MACF1: variants seen among roughly 807,000 people sequenced by gnomAD.
MACF1 encodes the protein microtubule-actin cross-linking factor 1.
Under a neutral mutation model 854.8 loss-of-function variants are expected in MACF1, and 193 were observed. The ratio of observed to expected loss-of-function variants is 0.23; its 90% confidence interval spans 0.20 to 0.25. MACF1 has a LOEUF of 0.25. Among genes scored for constraint, MACF1 ranks in the 10% least tolerant of loss-of-function variants. The pLI, the probability that MACF1 is intolerant of heterozygous loss-of-function variation, is 1.00. For missense variants in MACF1, 7,722 were observed against 8,929.1 expected, an observed-to-expected ratio of 0.86 and a Z score of 5.45; for synonymous variants, 3,185 against 3,226.7, an observed-to-expected ratio of 0.99 and a Z score of 0.44.
chr1:39,451,960 G>A (rs907014300), intron 85 of MACF1, among the ~76,000 whole-genome samples, 196 bp from the exon 86 acceptor site: 8 of 151,754 alleles, frequency 5.3e-5, no homozygotes, highest in Non-Finnish European at 8.8e-5. Context: ...CTCTCATCTC[G>A]GCTTCCCAAA....
At chr1:39,360,310 A>T (rs1224688294) in intron 47 of MACF1, among the ~76,000 whole-genome samples, 1 of 151,534 alleles carries the variant, frequency 6.6e-6, no homozygotes, top group Non-Finnish European at 1.5e-5. Flanking sequence ...TTAAGATTTG[A>T]TTTTTATCAT....
At chr1:39,228,587 T>C (rs1478129819) in intron 1 of MACF1, among the ~76,000 whole-genome samples, 1 of 152,224 alleles carries the variant, frequency 6.6e-6, no homozygotes, top group Non-Finnish European at 1.5e-5. Flanking sequence ...CTAATGAGAA[T>C]CCTGGCTTTA....
chr1:39,113,502 A>G lies in MACF1; in HGVS notation c.220+29064A>G, dbSNP rs534256395. Reference sequence around the variant, plus strand: ...AGGGAATCCAACAGTACATCTGGCAATGCTCTTGTCTAAAAGAAAGATGCT... The same window carrying G: ...AGGGAATCCAACAGTACATCTGGCAGTGCTCTTGTCTAAAAGAAAGATGCT... On this transcript the variant is annotated intron_variant, in intron 2 of 93. Coordinates refer to the MACF1 transcript ENST00000361689. 3.9e-5 allele frequency among the ~76,000 whole-genome samples: 6 copies of G among 152,332 alleles called. 1 individual carries two copies. The South Asian group carries it at 1.2e-3, about 32-fold the overall frequency.
chr1:39,303,725 G>T (rs939081874), intron 23 of MACF1, among the ~76,000 whole-genome samples: 1 of 151,328 alleles, frequency 6.6e-6, no homozygotes, highest in African/African-American at 2.4e-5. Flanking sequence ...TTTGCCGGGC[G>T]TGATGGCAGG....
chr1:39,442,974 CAGAGA>C, intron 78 of MACF1, 63 bp downstream of exon 78: 1 of 1,486,342 alleles, frequency 6.7e-7, no homozygotes, highest in African/African-American at 1.4e-5. Context: ...CTATCTAAGT[CAGAGA>C]GAAGAGATCA....
In MACF1 at chr1:39,437,896, G is replaced by A. The variant is rs755476804; in HGVS notation, c.18108G>A (p.Lys6036=). Residue 6036 remains lysine, a synonymous_variant, in exon 71 of 101, where the codon AAG becomes AAA. Coordinates refer to ENST00000564288, the MANE Select transcript of MACF1 (RefSeq NM_001394062.1). ...DKIRECISDN[K]SATVELEKLQ... is the part of the protein sequence containing the mutation. ...TCAGAGAGTGCATCAGTGACAATAA[G>A]AGTGCCACCGTGGAGCTAGAAAAAC... is the stretch of plus-strand genomic sequence containing the variant. 67 of 1,614,036 alleles carry A rather than the reference G, an allele frequency of 4.2e-5. No individual in the cohort carries two copies. The highest frequency in any genetic ancestry group is 4.8e-5 in the Non-Finnish European group (57 of 1,180,018).
intron 1 of MACF1, among the ~76,000 whole-genome samples, chr1:39,212,212 G>A (rs1644524789): frequency 6.6e-6 from 1 of 152,052 alleles, no homozygotes; most frequent in Non-Finnish European, 1.5e-5. Flanking sequence ...GACAAAAGTT[G>A]GGAAAAAAAG....
At chr1:39,352,017 C>T (rs1210023571) in intron 43 of MACF1, among the ~76,000 whole-genome samples, 2 of 152,146 alleles carry the variant, frequency 1.3e-5, no homozygotes, top group East Asian at 1.9e-4. Context: ...TCGTGGCACT[C>T]GGATAAACCA....
chr1:39,268,825 C>A, intron 6 of MACF1: 1 of 1,289,752 alleles, frequency 7.8e-7, no homozygotes, highest in Non-Finnish European at 1.0e-6. Context: ...ATCCCTACTC[C>A]AGAGGCATCT....
chr1:39,131,329 T>A (rs959809628), intron 2 of MACF1, among the ~76,000 whole-genome samples: 4 of 150,070 alleles, frequency 2.7e-5, no homozygotes, highest in Non-Finnish European at 5.9e-5. Flanking sequence ...CATGCCCAGC[T>A]CAGTTTTATT....
Position 39,300,359 on chromosome 1 carries a change from C to T in MACF1, c.2631C>T (p.Ile877=), listed in dbSNP as rs770860508. ...SVKAVCDYRQ[I]EITICKNDEC... ...AGGCTGTCTGTGACTACAGGCAGAT[C>T]GAGGTGAGGAGGTAGAAAGGGTACC... is the stretch of plus-strand genomic sequence containing the variant. The change falls in exon 22 of 101, where the codon ATC becomes ATT. Residue 877 remains isoleucine (I), a synonymous_variant. Coordinates refer to ENST00000564288, the MANE Select transcript of MACF1 (RefSeq NM_001394062.1). 2.2e-5 allele frequency: 36 copies of T among 1,612,460 alleles called. 1 individual carries two copies. In the East Asian group the frequency reaches 6.5e-4, roughly 29 times the overall value.
intron 2 of MACF1, among the ~76,000 whole-genome samples, chr1:39,245,806 A>G (rs1369542375): frequency 2.0e-5 from 3 of 152,020 alleles, no homozygotes; most frequent in African/African-American, 4.8e-5. Flanking sequence ...CTATGTTCAG[A>G]TCTTATCTAT....
chr1:39,314,569 T>TCTCTCA (rs1379643806), intron 26 of MACF1, among the ~76,000 whole-genome samples: 20 of 65,356 alleles, frequency 3.1e-4, no homozygotes, highest in African/African-American at 7.5e-4. Flanking sequence ...TCTCTCTCTC[T>TCTCTCA]CACACACACA....
At chr1:39,138,427 CA>C (rs370909075) in intron 2 of MACF1, among the ~76,000 whole-genome samples, 43,580 of 150,410 alleles carry the variant, frequency 0.29, 6,583 homozygotes, top group Middle Eastern at 0.39. Context: ...ACCAAAAATA[CA>C]AAAAAAATTA....
chr1:39,292,854 G>C lies in MACF1; in HGVS notation c.1992+11G>C, dbSNP rs756799404. 1 of 1,607,908 alleles carries C rather than the reference G, an allele frequency of 6.2e-7. No homozygotes were observed. The highest frequency in any genetic ancestry group is 2.2e-5 in the East Asian group (1 of 44,788). On this transcript the variant is annotated intron_variant, in intron 17 of 100. Transcript: ENST00000564288. Reference sequence around the variant, plus strand: ...TATTGTAAATTGAAGGTGAGTTTCTGCCGATTCTCTTACATTCTGCTCATA... The same window carrying C: ...TATTGTAAATTGAAGGTGAGTTTCTCCCGATTCTCTTACATTCTGCTCATA...
At chr1:39,336,742 G>A in intron 37 of MACF1, 89 bp downstream of exon 37, 1 of 1,164,042 alleles carries the variant, frequency 8.6e-7, no homozygotes, top group East Asian at 2.6e-5. Flanking sequence ...TTACATATGT[G>A]TAATTGTATG....
chr1:39,452,117 A>T (rs1644354093), intron 85 of MACF1, 39 bp from the exon 86 acceptor site: 1 of 1,519,160 alleles, frequency 6.6e-7, no homozygotes, highest in Non-Finnish European at 8.9e-7. Flanking sequence ...GACTCAAAAC[A>T]TTCCTTGAAC....
In MACF1 at chr1:39,462,101, G is replaced by T; in HGVS notation, c.21678+64G>T. The T allele has an allele frequency of 2.0e-6, 3 of 1,528,480 alleles. 1 individual carries two copies. 94.7% of individuals were successfully genotyped at this position (1,528,480 alleles called of 1,614,324 possible). On this transcript the variant is annotated intron_variant, in intron 93 of 100. Coordinates refer to ENST00000564288, the MANE Select transcript of MACF1 (RefSeq NM_001394062.1). ...GTAGGTTTGTAATATCCTGAATTTGGTTGGGTTCAGTGATCATATTAGCCT... is the reference window on the plus strand; with the variant it reads ...GTAGGTTTGTAATATCCTGAATTTGTTTGGGTTCAGTGATCATATTAGCCT...
In MACF1 at chr1:39,452,809, T is replaced by C. The variant is rs372863764; in HGVS notation, c.20739T>C (p.His6913=). ...CCCTGCAGTCTCTCATTGACACCCATAAGGTAATCCAGCCTTGGGGTTTGG... is the reference window on the plus strand; with the variant it reads ...CCCTGCAGTCTCTCATTGACACCCACAAGGTAATCCAGCCTTGGGGTTTGG... ...TEALQSLIDT[H]KEFMKKVEEK... is the part of the protein sequence containing the mutation. The change falls in exon 87 of 101, where the codon CAT becomes CAC. Residue 6913 remains histidine (H), a synonymous_variant. Transcript: ENST00000564288. 4.6e-5 allele frequency: 74 copies of C among 1,613,658 alleles called. No individual in the cohort carries two copies. Among genetic ancestry groups the C allele is most frequent in the Non-Finnish European group, 5.9e-5 (70 of 1,179,788 alleles).
Sources: allele counts gnomAD v4.1 joint callset (sites outside exome capture counted in the v4.1 genomes callset), GRCh38; gene constraint gnomAD v4.1.1; transcripts MANE v1.5; gene names NCBI Gene and HGNC (gene_info 2026-07-23, HGNC 2026-07-21).